Variants in WARS2 observed in about 807,000 individuals in gnomAD.
The protein encoded by WARS2 is tryptophan--tRNA ligase, mitochondrial.
Under a neutral mutation model 36.5 loss-of-function variants are expected in WARS2, and 28 were observed. The observed-to-expected ratio is 0.77, with a 90% CI of 0.57 to 1.05. The LOEUF (loss-of-function observed/expected upper bound fraction) is 1.05. WARS2 is among the 50% of genes least tolerant of loss of function. The probability of loss-of-function intolerance (pLI) is 0.00; values close to 1 mark genes in which losing one functional copy is unlikely to be tolerated. For synonymous variants in WARS2, 174 were observed against 178.4 expected (o/e 0.98, Z 0.20); for missense variants, 435 against 456.8 (o/e 0.95, Z 0.44).
intron 1 of WARS2, among the ~76,000 whole-genome samples, chr1:119,089,758 A>G: frequency 6.6e-6 from 1 of 152,234 alleles, no homozygotes; most frequent in Non-Finnish European, 1.5e-5. Flanking sequence ...CAAAAGAATT[A>G]TACTGGTACA....
Position 119,076,578 on chromosome 1 carries a change from G to A in WARS2, c.120C>T (p.Gly40=), listed in dbSNP as rs757986105. 2 of 1,614,174 alleles carry A rather than the reference G, an allele frequency of 1.2e-6. No homozygotes were observed. Among genetic ancestry groups the A allele is most frequent in the African/African-American group, 1.3e-5 (1 of 75,040 alleles). The stretch of plus-strand genomic sequence containing the variant: ...GGTGGAGGATTCCTGTAGGTTGAAT[G>A]CCGGAAAATACTCGCTTCTTGCTGT... ...QKDSKKRVFS[G]IQPTGILHLG... The change falls in exon 2 of 6, where the codon GGC becomes GGT. Residue 40 remains glycine (G), a synonymous_variant. Coordinates refer to ENST00000235521, the MANE Select transcript of WARS2 (RefSeq NM_015836.4).
At chr1:119,074,961 G>C (rs1325128635) in intron 2 of WARS2, among the ~76,000 whole-genome samples, 2 of 152,052 alleles carry the variant, frequency 1.3e-5, no homozygotes, top group Admixed American at 1.3e-4. Context: ...TGGACATATA[G>C]AGAGAAATGG....
At chr1:119,127,942 G>A (rs587662942) in intron 1 of WARS2, among the ~76,000 whole-genome samples, 18 of 152,202 alleles carry the variant, frequency 1.2e-4, no homozygotes, top group South Asian at 8.3e-4. Flanking sequence ...AATTGGGATC[G>A]TCAAAAGAGC....
chr1:119,139,278 G>T (rs1329940019), intron 1 of WARS2, among the ~76,000 whole-genome samples: 1 of 152,024 alleles, frequency 6.6e-6, no homozygotes, highest in Admixed American at 6.6e-5. Flanking sequence ...GCAGCTTTCC[G>T]GTATATATTA....
chr1:119,036,031 C>T (rs1647855636), intron 4 of WARS2, among the ~76,000 whole-genome samples: 1 of 152,036 alleles, frequency 6.6e-6, no homozygotes, highest in Admixed American at 6.5e-5. Context: ...AAGGCGAAAC[C>T]CGGTCCCTGT....
chr1:119,102,081 G>GGGTGGGGGGGGGGGC (rs1571359745), intron 1 of WARS2, among the ~76,000 whole-genome samples: 1 of 55,462 alleles, frequency 1.8e-5, no homozygotes, highest in Non-Finnish European at 3.7e-5. Context: ...GGGGGGGTGG[G>GGGTGGGGGGGGGGGC]CAATAATTCG....
intron 2 of WARS2, among the ~76,000 whole-genome samples, chr1:119,061,519 A>G (rs1650380428): frequency 6.6e-6 from 1 of 152,210 alleles, no homozygotes; most frequent in South Asian, 2.1e-4. Flanking sequence ...TAAGGAAGAT[A>G]GAGTTAGAAG....
chr1:119,041,054 A>T (rs1005576611), intron 4 of WARS2, among the ~76,000 whole-genome samples: 1 of 152,236 alleles, frequency 6.6e-6, no homozygotes, highest in Non-Finnish European at 1.5e-5. Flanking sequence ...ACTCATGGAC[A>T]TTCCCTGTTT....
At chr1:119,107,125 T>A (rs1269881510) in intron 1 of WARS2, among the ~76,000 whole-genome samples, 1 of 152,136 alleles carries the variant, frequency 6.6e-6, no homozygotes, top group African/African-American at 2.4e-5. Flanking sequence ...TCTGTTCAGG[T>A]CTTTTGCCCA....
chr1:119,084,065 A>G (rs1174132102), intron 1 of WARS2, among the ~76,000 whole-genome samples: 1 of 150,774 alleles, frequency 6.6e-6, no homozygotes, highest in Non-Finnish European at 1.5e-5. Flanking sequence ...TCTGTTGCCC[A>G]GGCTGGAGTA....
In WARS2 at chr1:119,084,747, G is replaced by A. The variant is rs190000739; in HGVS notation, c.91-8140C>T. ...AAATTCCATCTTCAATTGGTTCTAC[G>A]GGTTCAAGAGCCATATTTATGAATC... On this transcript the variant is annotated intron_variant, in intron 1 of 5. Transcript: ENST00000235521. Among the ~76,000 whole-genome samples, 15 of 152,138 alleles carry A rather than the reference G, an allele frequency of 9.9e-5. No homozygotes were observed. In the East Asian group the frequency reaches 1.5e-3, roughly 16 times the overall value.
chr1:119,096,057 A>G (rs1420705470), intron 1 of WARS2, among the ~76,000 whole-genome samples: 2 of 152,226 alleles, frequency 1.3e-5, no homozygotes, highest in African/African-American at 2.4e-5. Context: ...TGTTTATAAA[A>G]TAACTACACT....
intron 1 of WARS2, among the ~76,000 whole-genome samples, chr1:119,116,602 C>T (rs1206491372): frequency 6.6e-6 from 1 of 152,208 alleles, no homozygotes; most frequent in Non-Finnish European, 1.5e-5. Flanking sequence ...GAGCACACAT[C>T]CTCACTGGGG....
intron 1 of WARS2, among the ~76,000 whole-genome samples, chr1:119,108,676 T>C (rs587722630): frequency 5.8e-4 from 88 of 152,096 alleles, no homozygotes; most frequent in Middle Eastern, 3.4e-3. Flanking sequence ...TTTGGTTTTG[T>C]AGGTTTTCCC....
chr1:119,139,444 T>A (rs936141352), intron 1 of WARS2, among the ~76,000 whole-genome samples: 1 of 152,220 alleles, frequency 6.6e-6, no homozygotes, highest in African/African-American at 2.4e-5. Context: ...CATGGAACTA[T>A]AGATTTTCCA....
At chr1:119,138,859 ATTAACT>A (rs1461472564) in intron 1 of WARS2, among the ~76,000 whole-genome samples, 3 of 152,218 alleles carry the variant, frequency 2.0e-5, no homozygotes, top group Non-Finnish European at 1.5e-5. Context: ...TAGATTAATA[ATTAACT>A]TTAATAGCCC....
intron 2 of WARS2, among the ~76,000 whole-genome samples, chr1:119,056,477 T>G (rs1208911184): frequency 6.7e-6 from 1 of 148,678 alleles, no homozygotes; most frequent in East Asian, 1.9e-4. Flanking sequence ...TTTTATAGTA[T>G]ATATTTAGTC....
intron 4 of WARS2, among the ~76,000 whole-genome samples, chr1:119,041,843 A>T (rs1557935635): frequency 6.6e-6 from 1 of 152,204 alleles, no homozygotes; most frequent in Non-Finnish European, 1.5e-5. Flanking sequence ...TCCTGGACTC[A>T]AATCCTGGCT....
chr1:119,057,694 G>A (rs950617247), intron 2 of WARS2, among the ~76,000 whole-genome samples: 2 of 151,844 alleles, frequency 1.3e-5, no homozygotes, highest in Non-Finnish European at 2.9e-5. Context: ...AGAGGCTGAG[G>A]CAGGAGGATT....
Sources: gnomAD v4.1 joint callset for allele counts (sites outside exome capture counted in the v4.1 genomes callset) on GRCh38, gnomAD v4.1.1 for gene constraint, MANE v1.5 for transcripts, NCBI Gene and HGNC (gene_info 2026-07-23, HGNC 2026-07-21) for gene names.